The following ERCC1 variants were observed in gnomAD, a reference collection of about 807,000 sequenced individuals.
The protein encoded by ERCC1 is ERCC excision repair 1, endonuclease non-catalytic subunit, also known as DNA excision repair protein ERCC-1.
ERCC1 carries 36 observed loss-of-function variants against 37.6 expected under a neutral mutation model. The ratio of observed to expected loss-of-function variants is 0.96; its 90% confidence interval spans 0.73 to 1.26. The LOEUF (loss-of-function observed/expected upper bound fraction) is 1.26. Ranked by LOEUF, ERCC1 falls within the 50% of genes most tolerant of loss-of-function variation. The pLI, the probability that ERCC1 is intolerant of heterozygous loss-of-function variation, is 0.00. For missense variants in ERCC1, 349 were observed against 376.5 expected (o/e 0.93, Z 0.60); for synonymous variants, 156 against 162.1 (o/e 0.96, Z 0.28).
intron 1 of ERCC1, among the ~76,000 whole-genome samples, chr19:45,433,020 C>T (rs923517658): frequency 1.3e-5 from 2 of 152,072 alleles, no homozygotes; most frequent in African/African-American, 4.8e-5. Flanking sequence ...GCGGAGTTTG[C>T]GGTGAGCCGA....
At position 45,408,886 on chromosome 19, in the gene ERCC1, A is replaced by G. The variant is rs3212988; in HGVS notation, c.*789T>C. The G allele has an allele frequency of 1.3e-5, 21 of 1,614,050 alleles. No homozygotes were observed. In the Admixed American group the frequency reaches 3.0e-4, roughly 23 times the overall value. ...GGATGGAGCCAGAGGAGGGGGTGAC[A>G]GTTGAGTCTCAGCCACAGGTGAAGG... On this transcript the variant is annotated 3_prime_UTR_variant, in exon 10 of 10. Coordinates refer to ENST00000300853, the MANE Select transcript of ERCC1 (RefSeq NM_001983.4).
At chr19:45,429,546 G>A (rs1974784291) in intron 1 of ERCC1, among the ~76,000 whole-genome samples, 1 of 152,102 alleles carries the variant, frequency 6.6e-6, no homozygotes, top group Non-Finnish European at 1.5e-5. Context: ...AAGAGGGGAG[G>A]TGAACCAGAT....
At chr19:45,434,763 T>TTTTTTA (rs1974931228) in intron 1 of ERCC1, among the ~76,000 whole-genome samples, 1 of 151,420 alleles carries the variant, frequency 6.6e-6, no homozygotes, top group Admixed American at 6.6e-5. Flanking sequence ...TTTTAAAAAT[T>TTTTTTA]TTTTTATTTT....
intron 1 of ERCC1, among the ~76,000 whole-genome samples, chr19:45,430,972 G>C (rs916533330): frequency 1.3e-5 from 2 of 152,008 alleles, no homozygotes; most frequent in South Asian, 4.2e-4. Context: ...TACTTAGTTG[G>C]GGGGTGGGGT....
intron 7 of ERCC1, chr19:45,414,302 CCCA>C: frequency 1.9e-6 from 1 of 515,662 alleles, no homozygotes; most frequent in Non-Finnish European, 3.5e-6. Context: ...ACACTGAAAC[CCCA>C]TCTTTACTAA....
rs1973564675 is a variant in ERCC1, at chr19:45,409,650, G to C, written c.*25C>G. The stretch of plus-strand genomic sequence containing the variant: ...GGGAGGACGATTTATTATTACACTG[G>C]GGGTTTCCTTGGCAGCTGGGGTCAT... On this transcript the variant is annotated 3_prime_UTR_variant, in exon 10 of 10. Transcript: ENST00000300853. 2 of 1,436,734 alleles carry C rather than the reference G, an allele frequency of 1.4e-6. No homozygotes were observed. Among genetic ancestry groups the C allele is most frequent in the Admixed American group, 1.7e-5 (1 of 59,112 alleles). The allele number at this position is 1,436,734 out of a possible 1,614,324, so 89.0% of individuals were successfully genotyped here.
rs919005100 is a variant in ERCC1, at chr19:45,407,448, A to G, written c.*2227T>C. ...TTAGTATTTCTACTTATAAGAAACT[A>G]TAAGGAACTATAGTTAAACTTGGAG... is the stretch of plus-strand genomic sequence containing the variant. On this transcript the variant is annotated 3_prime_UTR_variant, in exon 10 of 10. Coordinates refer to ENST00000300853, the MANE Select transcript of ERCC1 (RefSeq NM_001983.4). 1 of 538,948 alleles carries G rather than the reference A, an allele frequency of 1.9e-6. No homozygotes were observed. Among genetic ancestry groups the G allele is most frequent in the Non-Finnish European group, 3.2e-6 (1 of 312,220 alleles). 33.4% of individuals were successfully genotyped at this position (538,948 alleles called of 1,614,324 possible).
upstream of ERCC1, among the ~76,000 whole-genome samples, chr19:45,427,988 T>C (rs1236805434): frequency 6.6e-6 from 1 of 152,084 alleles, no homozygotes; most frequent in African/African-American, 2.4e-5. Flanking sequence ...GGGGAAAAAA[T>C]TGCCCTGGGT....
rs746376502 is a variant in ERCC1, at chr19:45,408,843, G to A, written c.*832C>T. 8 of 1,614,136 alleles carry A rather than the reference G, an allele frequency of 5.0e-6. No individual in the cohort carries two copies. The highest frequency in any genetic ancestry group is 5.9e-6 in the Non-Finnish European group (7 of 1,180,042). ...CTGTCCCCGACCAAAAAGAGAAAGA[G>A]GCAAAAGGGGACGGAAGGGATGGAG... On this transcript the variant is annotated 3_prime_UTR_variant, in exon 10 of 10. Coordinates refer to ENST00000300853, the MANE Select transcript of ERCC1 (RefSeq NM_001983.4).
chr19:45,444,353 C>G (rs1975202970), intron 1 of ERCC1, among the ~76,000 whole-genome samples: 1 of 145,404 alleles, frequency 6.9e-6, no homozygotes, highest in South Asian at 2.2e-4. Context: ...CCCTCCCGGG[C>G]GCGCTCCCAC....
Position 45,420,374 on chromosome 19 carries a change from G to A in ERCC1, c.375C>T (p.Asp125=), listed in dbSNP as rs112246053. 298 of 1,613,900 alleles carry A rather than the reference G, an allele frequency of 1.8e-4. 2 individuals carry two copies. In the African/African-American group the frequency reaches 2.4e-3, roughly 13 times the overall value. Residue 125 remains aspartate, a synonymous_variant, in exon 4 of 10, where the codon GAC becomes GAT. Transcript: ENST00000300853. This position sits in a 1 kb window ranked among gnomAD's most constrained non-coding sequence, Gnocchi z 4.8. ...FVRNVPWEFG[D]VIPDYVLGQS... ...GGCCCAGCACATAGTCGGGAATTAC[G>A]TCGCCAAATTCCCAGGGCACATTGC... is the stretch of plus-strand genomic sequence containing the variant.
At chr19:45,427,835 G>T (rs1216913690), upstream of ERCC1, among the ~76,000 whole-genome samples, 3 of 152,126 alleles carry the variant, frequency 2.0e-5, no homozygotes, top group African/African-American at 4.8e-5. Flanking sequence ...TCTCTGCTCC[G>T]CCAGAACCCA....
Position 45,421,192 on chromosome 19 carries a change from C to A in ERCC1, c.307G>T (p.Val103Leu). The A allele has an allele frequency of 6.2e-7, 1 of 1,614,154 alleles. No individual in the cohort carries two copies. Among genetic ancestry groups the A allele is most frequent in the South Asian group, 1.1e-5 (1 of 91,078 alleles). ...KPGAKSNSIIVSPRQRGNPVL... is the reference protein window; with the variant it reads ...KPGAKSNSIILSPRQRGNPVL... ...TCCCTCCTCACCTGCCGAGGGCTCACAATGATGCTGTTGGATTTTGCCCCG... is the reference window on the plus strand; with the variant it reads ...TCCCTCCTCACCTGCCGAGGGCTCAAAATGATGCTGTTGGATTTTGCCCCG... The change falls in exon 3 of 10, where the codon GTG becomes TTG. Residue 103 changes from valine (V) to leucine (L), a missense_variant. Val to Leu is a conservative substitution (Grantham distance 32). Transcript: ENST00000300853.
intron 1 of ERCC1, among the ~76,000 whole-genome samples, chr19:45,438,860 C>T (rs1250446411): frequency 6.6e-6 from 1 of 151,942 alleles, no homozygotes; most frequent in Admixed American, 6.6e-5. Context: ...AGGCTGGTCT[C>T]GAAATCCCGA....
In ERCC1 at chr19:45,408,600, G is replaced by GGAAGAA. The variant is rs760646316; in HGVS notation, c.*1069_*1074dup. On this transcript the variant is annotated 3_prime_UTR_variant, in exon 10 of 10. Transcript: ENST00000300853. ...TTGGGGTCGCCAGAAATGGATGTGC[G>GGAAGAA]GAAGAAGAAGAAGAAAAAAAATCAG... is the stretch of plus-strand genomic sequence containing the variant. The GGAAGAA allele has an allele frequency of 1.9e-6, 3 of 1,613,716 alleles. No homozygotes were observed. The highest frequency in any genetic ancestry group is 2.5e-6 in the Non-Finnish European group (3 of 1,180,016).
At chr19:45,428,083 C>CTTTCTTTTTTTTTT, upstream of ERCC1, among the ~76,000 whole-genome samples, 1 of 116,018 alleles carries the variant, frequency 8.6e-6, no homozygotes. Flanking sequence ...TTCTTTCTTT[C>CTTTCTTTTTTTTTT]TTTTTTTTTT....
intron 6 of ERCC1, 68 bp from the exon 7 acceptor site, chr19:45,415,028 C>A: frequency 2.4e-6 from 3 of 1,267,354 alleles, no homozygotes; most frequent in South Asian, 2.4e-5. Context: ...TCATTATGGT[C>A]AGTCATAAGA....
In ERCC1 at chr19:45,413,946, G is replaced by A. The variant is rs1399624511; in HGVS notation, c.774+17C>T. The A allele has an allele frequency of 6.2e-7, 1 of 1,611,462 alleles. No homozygotes were observed. Among genetic ancestry groups the A allele is most frequent in the Non-Finnish European group, 8.5e-7 (1 of 1,177,686 alleles). On this transcript the variant is annotated intron_variant, in intron 8 of 9. Coordinates refer to ENST00000300853, the MANE Select transcript of ERCC1 (RefSeq NM_001983.4). ...AGGGGACAGAAATGCCTATGGGGCA[G>A]GGGAGCCATTCCTTACTCCAAATGT... is the stretch of plus-strand genomic sequence containing the variant.
At chr19:45,428,680 C>G (rs1250535700), upstream of ERCC1, among the ~76,000 whole-genome samples, 1 of 152,214 alleles carries the variant, frequency 6.6e-6, no homozygotes, top group African/African-American at 2.4e-5. Flanking sequence ...CCCTCACCGA[C>G]AATTCCGCCA....
Sources: gnomAD v4.1 joint callset for allele counts (sites outside exome capture counted in the v4.1 genomes callset) on GRCh38, gnomAD v4.1.1 for gene constraint, Gnocchi (gnomAD v3.1) non-coding constraint, MANE v1.5 for transcripts, NCBI Gene and HGNC (gene_info 2026-07-23, HGNC 2026-07-21) for gene names.